The following CCDC7 variants were observed in gnomAD, a reference collection of about 807,000 sequenced individuals.
CCDC7 encodes coiled-coil domain-containing protein 7.
CCDC7 carries 183 observed loss-of-function variants against 196.9 expected under a neutral mutation model. The ratio of observed to expected loss-of-function variants is 0.93; its 90% confidence interval spans 0.82 to 1.05. CCDC7 has a LOEUF of 1.05. Ranked by LOEUF, CCDC7 falls within the 50% of genes least tolerant of loss-of-function variation. The pLI, the probability that CCDC7 is intolerant of heterozygous loss-of-function variation, is 0.00. For missense variants in CCDC7, 1,540 were observed against 1,482.2 expected (o/e 1.04, Z -0.64); for synonymous variants, 525 against 484.6 (o/e 1.08, Z -1.10).
intron 24 of CCDC7, among the ~76,000 whole-genome samples, chr10:32,708,791 G>A (rs1304954245): frequency 1.3e-5 from 2 of 152,142 alleles, no homozygotes; most frequent in Non-Finnish European, 2.9e-5. Context: ...ACACCACTTA[G>A]CATGTTGATC....
chr10:32,767,015 C>G (rs1440079035), intron 28 of CCDC7, among the ~76,000 whole-genome samples: 1 of 152,022 alleles, frequency 6.6e-6, no homozygotes, highest in South Asian at 2.1e-4. Flanking sequence ...TTCCATTCAG[C>G]CATCTTGCTC....
At chr10:32,760,492 A>G (rs2077272918) in intron 28 of CCDC7, among the ~76,000 whole-genome samples, 1 of 152,096 alleles carries the variant, frequency 6.6e-6, no homozygotes, top group Non-Finnish European at 1.5e-5. Flanking sequence ...AACTATCGCA[A>G]GGATAAAAAA....
At chr10:32,838,148 G>T (rs2092750992) in intron 33 of CCDC7, among the ~76,000 whole-genome samples, 1 of 152,008 alleles carries the variant, frequency 6.6e-6, no homozygotes, top group African/African-American at 2.4e-5. Flanking sequence ...AAAGCATAAA[G>T]GGGGTATAGT....
chr10:32,466,190 T>C (rs2036730440), intron 5 of CCDC7, among the ~76,000 whole-genome samples: 1 of 152,174 alleles, frequency 6.6e-6, no homozygotes, highest in Non-Finnish European at 1.5e-5. Flanking sequence ...TTTATTAATT[T>C]GGTGTACCAG....
At chr10:32,459,434 G>C (rs2035108829) in intron 3 of CCDC7, among the ~76,000 whole-genome samples, 1 of 152,052 alleles carries the variant, frequency 6.6e-6, no homozygotes, top group Non-Finnish European at 1.5e-5. Context: ...GCTCTCTCCA[G>C]AACCACTCAA....
intron 41 of CCDC7, among the ~76,000 whole-genome samples, chr10:32,865,612 T>TA (rs1372218638): frequency 6.6e-6 from 1 of 151,796 alleles, no homozygotes; most frequent in Non-Finnish European, 1.5e-5. Context: ...GAAACGTTCT[T>TA]AGAGTGATGG....
intron 2 of CCDC7, among the ~76,000 whole-genome samples, chr10:32,453,901 T>A (rs1449313076): frequency 1.3e-5 from 2 of 152,188 alleles, no homozygotes; most frequent in Admixed American, 6.5e-5. Flanking sequence ...TATATAAATG[T>A]TTATAGAAGT....
intron 26 of CCDC7, among the ~76,000 whole-genome samples, chr10:32,727,970 G>C (rs562734134): frequency 3.0e-4 from 46 of 152,290 alleles, no homozygotes; most frequent in African/African-American, 1.1e-3. Context: ...TCTTGCCTCT[G>C]CAAGGGTGGT....
intron 24 of CCDC7, among the ~76,000 whole-genome samples, chr10:32,695,763 C>A (rs2077631036): frequency 6.6e-6 from 1 of 152,198 alleles, no homozygotes; most frequent in South Asian, 2.1e-4. Context: ...TGATCTTGAT[C>A]ATCTTTGTGG....
At chr10:32,642,455 C>T (rs972394229) in intron 20 of CCDC7, among the ~76,000 whole-genome samples, 2 of 152,208 alleles carry the variant, frequency 1.3e-5, no homozygotes, top group Non-Finnish European at 2.9e-5. Flanking sequence ...GAGCCAGGTG[C>T]GGGATATAAT....
intron 41 of CCDC7, among the ~76,000 whole-genome samples, chr10:32,872,382 A>G (rs1421548973): frequency 6.6e-6 from 1 of 150,748 alleles, no homozygotes; most frequent in Non-Finnish European, 1.5e-5. Flanking sequence ...TTTGTTTTCC[A>G]TTTGCTTCGT....
chr10:32,533,706 A>G (rs182113322), intron 11 of CCDC7, among the ~76,000 whole-genome samples: 2 of 152,170 alleles, frequency 1.3e-5, no homozygotes, highest in South Asian at 4.1e-4. Context: ...TTCTTTCAAC[A>G]CTTTGAAAAT....
chr10:32,771,667 G>T (rs530362474), intron 28 of CCDC7, among the ~76,000 whole-genome samples: 1 of 152,202 alleles, frequency 6.6e-6, no homozygotes, highest in African/African-American at 2.4e-5. Flanking sequence ...ACCAGCACCA[G>T]CTTTAATGGG....
At chr10:32,846,031 C>T (rs2093277162) in intron 36 of CCDC7, 72 bp downstream of exon 37, 1 of 1,086,340 alleles carries the variant, frequency 9.2e-7, no homozygotes, top group Non-Finnish European at 1.4e-6. Flanking sequence ...GAAGTATAGA[C>T]CTTTAATGAC....
At chr10:32,879,133 G>T (rs879623983), downstream of CCDC7, among the ~76,000 whole-genome samples, 8 of 151,664 alleles carry the variant, frequency 5.3e-5, no homozygotes, top group Non-Finnish European at 8.8e-5. Flanking sequence ...GTGCCATCGT[G>T]GTTTGCTGCA....
In CCDC7 at chr10:32,764,782, A is replaced by G. The variant is rs1276543517; in HGVS notation, c.2906-14195A>G. Among the ~76,000 whole-genome samples the G allele has an allele frequency of 2.6e-5, 4 of 152,156 alleles. 1 individual carries two copies. Among genetic ancestry groups the G allele is most frequent in the South Asian group, 2.1e-4 (1 of 4,822 alleles). ...CTCTTCTCTACAGCTCAGAAATCAC[A>G]CTGGATGTTGCTGCTACTGAAATGG... On this transcript the variant is annotated intron_variant, in intron 28 of 41. Transcript: ENST00000639629.
intron 29 of CCDC7, among the ~76,000 whole-genome samples, chr10:32,786,700 A>G (rs909393173): frequency 1.5e-4 from 23 of 152,158 alleles, no homozygotes; most frequent in African/African-American, 5.6e-4. Context: ...GGCAGAGATT[A>G]CAGTGAGCCA....
At chr10:32,634,298 G>C (rs936754366) in exon 19 of CCDC7, 2 of 1,220,192 alleles carry the variant, frequency 1.6e-6, no homozygotes. Flanking sequence ...TGAAAATAAA[G>C]ATTCAGTAAC....
At chr10:32,817,756 G>A (rs2089104849) in intron 31 of CCDC7, among the ~76,000 whole-genome samples, 1 of 151,824 alleles carries the variant, frequency 6.6e-6, no homozygotes, top group African/African-American at 2.4e-5. Flanking sequence ...AAGTGAAGGA[G>A]AAATAAAATC....
Sources: gnomAD v4.1 joint callset for allele counts (sites outside exome capture counted in the v4.1 genomes callset) on GRCh38, gnomAD v4.1.1 for gene constraint, MANE v1.5 for transcripts, NCBI Gene and HGNC (gene_info 2026-07-23, HGNC 2026-07-21) for gene names.